NOTCH1: variants seen among roughly 807,000 people sequenced by gnomAD.
NOTCH1 encodes neurogenic locus notch homolog protein 1.
NOTCH1 carries 37 observed loss-of-function variants against 254.8 expected under a neutral mutation model. That is an observed-to-expected ratio of 0.15 (90% confidence interval 0.11 to 0.19). The LOEUF is 0.19. Ranked by LOEUF, NOTCH1 falls within the 10% of genes least tolerant of loss-of-function variation. The probability of loss-of-function intolerance (pLI) is 1.00; values close to 1 mark genes in which losing one functional copy is unlikely to be tolerated. For synonymous variants in NOTCH1, 1,731 were observed against 1,618.1 expected (o/e 1.07, Z -1.68); for missense variants, 2,972 against 3,708.6 (o/e 0.80, Z 5.16).
At chr9:136,531,423 G>A (rs964290072) in intron 2 of NOTCH1, among the ~76,000 whole-genome samples, 1 of 152,224 alleles carries the variant, frequency 6.6e-6, no homozygotes, top group Non-Finnish European at 1.5e-5. Context: ...CTGGGAAAGA[G>A]GAGGAAGGCG....
intron 2 of NOTCH1, among the ~76,000 whole-genome samples, chr9:136,527,888 AC>A (rs1332642124): frequency 4.6e-5 from 7 of 151,930 alleles, no homozygotes; most frequent in African/African-American, 1.7e-4. Context: ...CGCTCCCGCC[AC>A]CTCTACCGCC....
chr9:136,528,805 C>A (rs1311938725), intron 2 of NOTCH1, among the ~76,000 whole-genome samples: 1 of 152,128 alleles, frequency 6.6e-6, no homozygotes, highest in African/African-American at 2.4e-5. Context: ...GGTCCCCTGG[C>A]AGCAGTGTGG....
rs2133315905 is a variant in NOTCH1, at chr9:136,496,512, C to G, written c.7227G>C (p.Gln2409His). 6.2e-7 allele frequency: 1 copy of G among 1,603,742 alleles called. No homozygotes were observed. Among genetic ancestry groups the G allele is most frequent in the Non-Finnish European group, 8.5e-7 (1 of 1,179,912 alleles). Reference sequence around the variant, plus strand: ...GCGGCTGTGGTGGTGGTGGTGGCGGCTGCAGGCTTTGCTGCTGCTGGATGT... The same window carrying G: ...GCGGCTGTGGTGGTGGTGGTGGCGGGTGCAGGCTTTGCTGCTGCTGGATGT... Reference protein sequence around the residue: ...PANIQQQQSLQPPPPPPQPHL... With the variant: ...PANIQQQQSLHPPPPPPQPHL... The change falls in exon 34 of 34, where the codon CAG becomes CAC. Residue 2409 changes from glutamine to histidine, a missense_variant. Gln to His is a conservative substitution (Grantham distance 24). Transcript: ENST00000651671.
chr9:136,501,669 G>A (rs1842996952), intron 30 of NOTCH1, 79 bp downstream of exon 30: 4 of 1,544,518 alleles, frequency 2.6e-6, no homozygotes, highest in African/African-American at 2.7e-5. Context: ...AGTATCAACT[G>A]TACCCCAGCC....
At chr9:136,521,650 C>T (rs975287501) in intron 4 of NOTCH1, among the ~76,000 whole-genome samples, 8 of 152,352 alleles carry the variant, frequency 5.3e-5, no homozygotes, top group East Asian at 3.9e-4. Context: ...AAGGGCTCTG[C>T]GCCCCACCCT....
chr9:136,533,734 G>A (rs968251459), intron 2 of NOTCH1, among the ~76,000 whole-genome samples: 4 of 152,262 alleles, frequency 2.6e-5, no homozygotes, highest in South Asian at 2.1e-4. Flanking sequence ...GGGCAGGCTC[G>A]GTGACCATGG....
At chr9:136,522,499 A>C (rs1843387639) in intron 4 of NOTCH1, 1 of 299,254 alleles carries the variant, frequency 3.3e-6, no homozygotes, top group Non-Finnish European at 6.2e-6. Flanking sequence ...CGCAGCTCCC[A>C]CGCCCTCTCC....
At chr9:136,508,536 C>T in intron 19 of NOTCH1, 151 bp from the exon 20 acceptor site, 2 of 1,154,014 alleles carry the variant, frequency 1.7e-6, no homozygotes. Flanking sequence ...CCCACCACCC[C>T]CACACCAGGA....
At chr9:136,527,839 C>T (rs1045900224) in intron 2 of NOTCH1, among the ~76,000 whole-genome samples, 3 of 152,080 alleles carry the variant, frequency 2.0e-5, no homozygotes, top group Admixed American at 6.5e-5. Context: ...AGGAGGGCTG[C>T]GGGGGGAGGG....
rs138504021 is a variant in NOTCH1, at chr9:136,515,524, C to A, written c.1862G>T (p.Arg621Leu). The A allele has an allele frequency of 1.2e-6, 2 of 1,611,810 alleles. No individual in the cohort carries two copies. Among genetic ancestry groups the A allele is most frequent in the Non-Finnish European group, 1.7e-6 (2 of 1,179,852 alleles). The part of the protein sequence containing the change: ...PCRHGGTCQD[R>L]DNAYLCFCLK... ...GCAGAAGCAGAGGTAGGCGTTGTCG[C>A]GGTCCTGGCAGGTGCCCCCGTGGCG... Residue 621 changes from arginine to leucine, a missense_variant, in exon 11 of 34, where the codon CGC (arginine) becomes CTC (leucine). Around this residue, in one of 8 missense-constraint regions of NOTCH1, gnomAD observed 1,343 missense variants for 1,557.0 expected, o/e 0.86. Coordinates refer to ENST00000651671, the MANE Select transcript of NOTCH1 (RefSeq NM_017617.5).
intron 17 of NOTCH1, among the ~76,000 whole-genome samples, chr9:136,510,168 C>G (rs1022177474): frequency 6.6e-5 from 10 of 152,202 alleles, no homozygotes; most frequent in African/African-American, 2.4e-4. Flanking sequence ...GTCTCTCTCC[C>G]CACCTGCTCC....
chr9:136,520,010 C>T (rs1217485272), intron 4 of NOTCH1, among the ~76,000 whole-genome samples: 1 of 152,112 alleles, frequency 6.6e-6, no homozygotes, highest in Non-Finnish European at 1.5e-5. Flanking sequence ...GTGGGCCCCT[C>T]GCAGCCCCAG....
intron 12 of NOTCH1, 65 bp from the exon 13 acceptor site, chr9:136,514,767 G>A (rs1271663703): frequency 4.7e-6 from 7 of 1,500,562 alleles, no homozygotes; most frequent in African/African-American, 2.7e-5. Context: ...CGTCAACCTC[G>A]ATTTCCCTGT....
In NOTCH1 at chr9:136,505,838, C is replaced by T. The variant is rs1274662962; in HGVS notation, c.4058G>A (p.Gly1353Asp). 11 of 1,594,484 alleles carry T rather than the reference C, an allele frequency of 6.9e-6. No individual in the cohort carries two copies. The highest frequency in any genetic ancestry group is 8.5e-6 in the Non-Finnish European group (10 of 1,176,906). Residue 1353 changes from glycine (G) to aspartate (D), a missense_variant, in exon 25 of 34, where the codon GGC becomes GAC. Coordinates refer to ENST00000651671, the MANE Select transcript of NOTCH1 (RefSeq NM_017617.5). Reference protein sequence around the residue: ...ATCENDARTCGSLRCLNGGTC... With the variant: ...ATCENDARTCDSLRCLNGGTC... The stretch of plus-strand genomic sequence containing the variant: ...GCCGCCGTTGAGGCAGCGCAGGCTG[C>T]CGCAGGTACGAGCGTCATTCTCACA...
intron 2 of NOTCH1, among the ~76,000 whole-genome samples, chr9:136,530,339 G>A (rs1843539972): frequency 6.6e-6 from 1 of 152,246 alleles, no homozygotes; most frequent in South Asian, 2.1e-4. Flanking sequence ...TGGCTCCGGG[G>A]AAACCCTTTG....
At chr9:136,539,210 C>A (rs1055170102) in intron 2 of NOTCH1, among the ~76,000 whole-genome samples, 5 of 152,202 alleles carry the variant, frequency 3.3e-5, no homozygotes, top group Admixed American at 2.0e-4. Flanking sequence ...TATTATTATT[C>A]TTTTCAATGG....
chr9:136,503,335 G>A lies in NOTCH1; in HGVS notation c.5019-5C>T, dbSNP rs2133333794. ...ATCTCCAGGTAGACGATGGAGCTGGGCGGACAATCAGAGAGGGGCTGGGAC... is the reference window on the plus strand; with the variant it reads ...ATCTCCAGGTAGACGATGGAGCTGGACGGACAATCAGAGAGGGGCTGGGAC... On this transcript the variant is annotated splice_polypyrimidine_tract_variant and splice_region_variant and intron_variant, in intron 26 of 33. Transcript: ENST00000651671. The A allele has an allele frequency of 6.2e-7, 1 of 1,612,658 alleles. No homozygotes were observed. The highest frequency in any genetic ancestry group is 8.5e-7 in the Non-Finnish European group (1 of 1,179,842).
intron 2 of NOTCH1, among the ~76,000 whole-genome samples, chr9:136,534,345 C>A (rs1031266948): frequency 6.6e-6 from 1 of 152,212 alleles, no homozygotes; most frequent in African/African-American, 2.4e-5. Context: ...TTCAGAGATG[C>A]ACAATGGACT....
chr9:136,530,814 C>T (rs1843547373), intron 2 of NOTCH1, among the ~76,000 whole-genome samples: 1 of 152,214 alleles, frequency 6.6e-6, no homozygotes, highest in Non-Finnish European at 1.5e-5. Flanking sequence ...CCCAGCCCTG[C>T]ACCCCACGAT....
Sources: allele counts gnomAD v4.1 joint callset (sites outside exome capture counted in the v4.1 genomes callset), GRCh38; gene constraint gnomAD v4.1.1; regional missense constraint gnomAD v4.1.1; transcripts MANE v1.5; gene names NCBI Gene and HGNC (gene_info 2026-07-23, HGNC 2026-07-21).